PCGF2: variants seen among roughly 807,000 people sequenced by gnomAD.
PCGF2 encodes the protein polycomb group ring finger 2.
Under a neutral mutation model 36.1 loss-of-function variants are expected in PCGF2, and 8 were observed. The observed-to-expected ratio is 0.22, with a 90% CI of 0.13 to 0.40. PCGF2 has a LOEUF of 0.40. PCGF2 is among the 10% of genes least tolerant of loss of function. The pLI, the probability that PCGF2 is intolerant of heterozygous loss-of-function variation, is 1.00. For synonymous variants in PCGF2, 198 were observed against 191.2 expected (o/e 1.04, Z -0.29); for missense variants, 436 against 475.9 (o/e 0.92, Z 0.78).
chr17:38,740,179 C>CCCA, intron 3 of PCGF2, 112 bp downstream of exon 3: 1 of 887,642 alleles, frequency 1.1e-6, no homozygotes, highest in Non-Finnish European at 1.8e-6. Context: ...GACACGTGGG[C>CCCA]GCGTTGGCTC....
chr17:38,748,376 G>C (rs1458759058), upstream of PCGF2: 3 of 142,736 alleles, frequency 2.1e-5, no homozygotes, highest in African/African-American at 7.7e-5. Flanking sequence ...AGGGGACCGA[G>C]GGGGGAGGGG....
At chr17:38,748,688 C>T (rs911798348), upstream of PCGF2, among the ~76,000 whole-genome samples, 3 of 152,290 alleles carry the variant, frequency 2.0e-5, no homozygotes, top group South Asian at 4.1e-4. Context: ...TGATGCCCAT[C>T]CCTAACTGGG....
intron 9 of PCGF2, 46 bp downstream of exon 9, chr17:38,738,307 A>G (rs745894140): frequency 1.4e-6 from 2 of 1,452,670 alleles, no homozygotes; most frequent in Non-Finnish European, 1.9e-6. Flanking sequence ...ACTGTCTGAC[A>G]CACCCATACA....
chr17:38,742,434 G>A (rs1260647998), intron 2 of PCGF2, among the ~76,000 whole-genome samples: 1 of 152,232 alleles, frequency 6.6e-6, no homozygotes, highest in Non-Finnish European at 1.5e-5. Flanking sequence ...CAGGGAACCT[G>A]GCCAGAGACC....
intron 2 of PCGF2, among the ~76,000 whole-genome samples, chr17:38,746,898 T>C (rs929568693): frequency 6.6e-6 from 1 of 152,138 alleles, no homozygotes; most frequent in Non-Finnish European, 1.5e-5. Context: ...AATAACACCT[T>C]GGACCAGAGT....
In PCGF2 at chr17:38,740,420, T is replaced by TGGGG; in HGVS notation, c.-22_-19dup. ...CGATGCATGATTCCGGGGTCGGGGG[T>TGGGG]GGGGGGACTGGGGAGCGTTGCCCTG... On this transcript the variant is annotated 5_prime_UTR_variant, in exon 3 of 11. Transcript: ENST00000620225. 1 of 445,006 alleles carries TGGGG rather than the reference T, an allele frequency of 2.2e-6. No individual in the cohort carries two copies. The highest frequency in any genetic ancestry group is 3.7e-6 in the Non-Finnish European group (1 of 272,266). 27.6% of individuals were successfully genotyped at this position (445,006 alleles called of 1,614,324 possible).
Position 38,739,557 on chromosome 17 carries a change from G to T in PCGF2, c.209+29C>A. The stretch of plus-strand genomic sequence containing the variant: ...GGGGGAGGCTGACCCAGAGGATCGC[G>T]GGGACAGGAGGTGCCGTGCCAAGCC... On this transcript the variant is annotated intron_variant, in intron 4 of 10. Coordinates refer to ENST00000620225, the MANE Select transcript of PCGF2 (RefSeq NM_007144.3). The surrounding 1 kb of genome is among the most constrained non-coding windows in gnomAD (Gnocchi z 4.0). 6.5e-7 allele frequency: 1 copy of T among 1,530,700 alleles called. No individual in the cohort carries two copies. Among genetic ancestry groups the T allele is most frequent in the Non-Finnish European group, 9.1e-7 (1 of 1,103,986 alleles). 94.8% of individuals were successfully genotyped at this position (1,530,700 alleles called of 1,614,324 possible). A position where few individuals can be genotyped will look rare whatever the true frequency, so the allele number is the denominator to read the frequency against.
chr17:38,740,645 G>A (rs1266179084), intron 2 of PCGF2, among the ~76,000 whole-genome samples: 1 of 152,186 alleles, frequency 6.6e-6, no homozygotes, highest in African/African-American at 2.4e-5. Context: ...TGTAGTCCCA[G>A]CTGCTTGGGA....
chr17:38,739,553 T>A lies in PCGF2; in HGVS notation c.209+33A>T. On this transcript the variant is annotated intron_variant, in intron 4 of 10. Coordinates refer to ENST00000620225, the MANE Select transcript of PCGF2 (RefSeq NM_007144.3). The surrounding 1 kb of genome is among the most constrained non-coding windows in gnomAD (Gnocchi z 4.0). ...GGATGGGGGAGGCTGACCCAGAGGATCGCGGGGACAGGAGGTGCCGTGCCA... is the reference window on the plus strand; with the variant it reads ...GGATGGGGGAGGCTGACCCAGAGGAACGCGGGGACAGGAGGTGCCGTGCCA... 1.3e-6 allele frequency: 2 copies of A among 1,504,860 alleles called. No homozygotes were observed. Among genetic ancestry groups the A allele is most frequent in the Non-Finnish European group, 1.9e-6 (2 of 1,080,482 alleles). 93.2% of individuals were successfully genotyped at this position (1,504,860 alleles called of 1,614,324 possible).
chr17:38,735,711 G>A lies in PCGF2; in HGVS notation c.658-111C>T, dbSNP rs894850606. The A allele has an allele frequency of 2.2e-6, 3 of 1,364,826 alleles. No homozygotes were observed. The African/African-American group carries it at 4.4e-5, about 20-fold the overall frequency. The allele number at this position is 1,364,826 out of a possible 1,614,324, so 84.5% of individuals were successfully genotyped here. ...CACAGTGTCCAAACTCGAAAAAAGG[G>A]ATGGGATGGGGCCTTGGAGAGGAGA... On this transcript the variant is annotated intron_variant, in intron 10 of 10. Transcript: ENST00000620225.
intron 2 of PCGF2, among the ~76,000 whole-genome samples, chr17:38,745,173 A>T (rs1907458277): frequency 6.6e-6 from 1 of 152,246 alleles, no homozygotes; most frequent in South Asian, 2.1e-4. Context: ...TCTACTAAAA[A>T]TACAAAACAT....
chr17:38,737,635 G>A (rs1024237447), intron 9 of PCGF2, among the ~76,000 whole-genome samples: 2 of 151,898 alleles, frequency 1.3e-5, no homozygotes, highest in African/African-American at 4.8e-5. Flanking sequence ...GAATCTGGCC[G>A]GGTGCCGTGG....
At position 38,738,576 on chromosome 17, in the gene PCGF2, C is replaced by G. The variant is rs1416945236; in HGVS notation, c.445G>C (p.Gly149Arg). 6.3e-7 allele frequency: 1 copy of G among 1,583,948 alleles called. No individual in the cohort carries two copies. Among genetic ancestry groups the G allele is most frequent in the Non-Finnish European group, 8.6e-7 (1 of 1,164,520 alleles). ...EGARDRDEKK[G>R]PLENGDGDKE... is the part of the protein sequence containing the mutation. ...TCCCCATCCCCATTCTCCAGGGGGCCCTTCTTCTCGTCCCGGTCCCTGGGG... is the reference window on the plus strand; with the variant it reads ...TCCCCATCCCCATTCTCCAGGGGGCGCTTCTTCTCGTCCCGGTCCCTGGGG... Residue 149 changes from glycine to arginine, a missense_variant, in exon 8 of 11, where the codon GGC becomes CGC. This residue lies in a region of PCGF2 where 189 missense variants were observed against 219.3 expected (regional missense o/e 0.86). Coordinates refer to ENST00000620225, the MANE Select transcript of PCGF2 (RefSeq NM_007144.3).
chr17:38,735,860 C>T (rs993579175), intron 10 of PCGF2, among the ~76,000 whole-genome samples: 5 of 152,106 alleles, frequency 3.3e-5, no homozygotes, highest in Admixed American at 6.5e-5. Flanking sequence ...CCTATTTCTG[C>T]CCCCAAATCT....
At chr17:38,736,263 G>A (rs1422798411) in intron 9 of PCGF2, 93 bp from the exon 10 acceptor site, 2 of 760,468 alleles carry the variant, frequency 2.6e-6, no homozygotes, top group Non-Finnish European at 4.6e-6. Context: ...CAATGGGAAG[G>A]GTGGATTTAC....
At chr17:38,736,066 T>G in intron 10 of PCGF2, 24 bp downstream of exon 10, 1 of 1,522,858 alleles carries the variant, frequency 6.6e-7, no homozygotes, top group Non-Finnish European at 8.9e-7. Flanking sequence ...GTCTGCTCCC[T>G]GCCCGCCCCA....
intron 2 of PCGF2, among the ~76,000 whole-genome samples, chr17:38,747,043 G>A (rs1171887703): frequency 6.6e-6 from 1 of 152,162 alleles, no homozygotes; most frequent in Non-Finnish European, 1.5e-5. Flanking sequence ...AGACCTCTGG[G>A]GAGACTGAGG....
Position 38,735,360 on chromosome 17 carries a change from G to C in PCGF2, c.898C>G (p.Pro300Ala), listed in dbSNP as rs1219123976. Residue 300 changes from proline (P) to alanine (A), a missense_variant, in exon 11 of 11, where the codon CCC becomes GCC. Pro to Ala is a conservative substitution (Grantham distance 27, BLOSUM62 -1). Around this residue, in one of 3 missense-constraint regions of PCGF2, gnomAD observed 227 missense variants for 212.9 expected, o/e 1.07. Coordinates refer to ENST00000620225, the MANE Select transcript of PCGF2 (RefSeq NM_007144.3). ...HGPPATHPTS[P>A]TPPSTASGAT... Reference sequence around the variant, plus strand: ...CCACTGGCTGTCGAAGGGGGAGTGGGGGAGGTAGGGTGGGTGGCTGGAGGC... The same window carrying C: ...CCACTGGCTGTCGAAGGGGGAGTGGCGGAGGTAGGGTGGGTGGCTGGAGGC... 3 of 1,561,344 alleles carry C rather than the reference G, an allele frequency of 1.9e-6. No homozygotes were observed. The highest frequency in any genetic ancestry group is 1.7e-6 in the Non-Finnish European group (2 of 1,151,178).
chr17:38,735,116 C>A lies in PCGF2; in HGVS notation c.*107G>T. On this transcript the variant is annotated 3_prime_UTR_variant, in exon 11 of 11. Coordinates refer to ENST00000620225, the MANE Select transcript of PCGF2 (RefSeq NM_007144.3). The stretch of plus-strand genomic sequence containing the variant: ...TTATTTATAAAACCCGCCCCCCACC[C>A]CCAAGGTGGGAAGAGCTGGGGAAAG... 1 of 879,456 alleles carries A rather than the reference C, an allele frequency of 1.1e-6. No individual in the cohort carries two copies. Among genetic ancestry groups the A allele is most frequent in the South Asian group, 4.6e-5 (1 of 21,846 alleles). 54.5% of individuals were successfully genotyped at this position (879,456 alleles called of 1,614,324 possible).
Sources: gnomAD v4.1 joint callset for allele counts (sites outside exome capture counted in the v4.1 genomes callset) on GRCh38, gnomAD v4.1.1 for gene constraint, gnomAD v4.1.1 regional missense constraint, Gnocchi (gnomAD v3.1) non-coding constraint, MANE v1.5 for transcripts, NCBI Gene and HGNC (gene_info 2026-07-23, HGNC 2026-07-21) for gene names.